RAD51B: variants seen among roughly 807,000 people sequenced by gnomAD.
The protein encoded by RAD51B is RAD51 paralog B, also known as DNA repair protein RAD51 homolog 2.
RAD51B carries 38 observed loss-of-function variants against 42.2 expected under a neutral mutation model. The observed-to-expected ratio is 0.90, with a 90% CI of 0.70 to 1.18. The LOEUF is 1.18. Among genes scored for constraint, RAD51B ranks in the 50% most tolerant of loss-of-function variants. RAD51B has a pLI of 0.00. For synonymous variants in RAD51B, 154 were observed against 145.2 expected (o/e 1.06, Z -0.43); for missense variants, 373 against 400.7 (o/e 0.93, Z 0.59).
intron 8 of RAD51B, among the ~76,000 whole-genome samples, chr14:68,353,884 C>T (rs888221223): frequency 6.6e-6 from 1 of 152,220 alleles, no homozygotes; most frequent in Non-Finnish European, 1.5e-5. Context: ...GCAGTTCAGG[C>T]CTTCCACGTG....
chr14:68,002,926 T>C (rs2075513741), intron 7 of RAD51B, among the ~76,000 whole-genome samples: 1 of 152,214 alleles, frequency 6.6e-6, no homozygotes, highest in African/African-American at 2.4e-5. Flanking sequence ...TTTTAGTTAC[T>C]GTTGCCTTAT....
intron 6 of RAD51B, 29 bp from the exon 7 acceptor site, chr14:67,886,992 T>C: frequency 7.5e-7 from 1 of 1,333,440 alleles, no homozygotes; most frequent in Non-Finnish European, 1.0e-6. Flanking sequence ...TTAAATTTAT[T>C]GACTATTTTA....
chr14:67,828,030 G>C (rs991814800), intron 3 of RAD51B, among the ~76,000 whole-genome samples: 3 of 152,194 alleles, frequency 2.0e-5, no homozygotes, highest in South Asian at 4.1e-4. Context: ...GGTTCAAATG[G>C]TATTTCTGCC....
intron 7 of RAD51B, among the ~76,000 whole-genome samples, chr14:68,016,900 A>G (rs188130972): frequency 6.6e-6 from 1 of 152,346 alleles, no homozygotes; most frequent in African/African-American, 2.4e-5. Flanking sequence ...ACAAGGGAAA[A>G]TGCCATAAAG....
intron 10 of RAD51B, among the ~76,000 whole-genome samples, chr14:68,647,127 CA>C (rs1892578003): frequency 6.6e-6 from 1 of 152,196 alleles, no homozygotes; most frequent in Non-Finnish European, 1.5e-5. Flanking sequence ...TTCATTTATT[CA>C]TCCTCAGATC....
At chr14:68,160,832 G>C (rs369834206) in intron 7 of RAD51B, among the ~76,000 whole-genome samples, 14 of 152,316 alleles carry the variant, frequency 9.2e-5, no homozygotes, top group African/African-American at 3.4e-4. Flanking sequence ...ACAAACAATG[G>C]TGGCAAACAA....
intron 10 of RAD51B, among the ~76,000 whole-genome samples, chr14:68,521,185 C>T (rs143723626): frequency 7.9e-5 from 12 of 152,190 alleles, no homozygotes; most frequent in African/African-American, 2.6e-4. Context: ...GCAGAGCTCA[C>T]GAAGGAGGCA....
intron 7 of RAD51B, among the ~76,000 whole-genome samples, chr14:68,230,740 C>T (rs563310571): frequency 1.3e-4 from 20 of 152,298 alleles, no homozygotes; most frequent in East Asian, 3.9e-4. Flanking sequence ...GACCCTTATC[C>T]GGCTTAGGAG....
chr14:68,046,972 T>C (rs2076311221), intron 7 of RAD51B, among the ~76,000 whole-genome samples: 1 of 151,632 alleles, frequency 6.6e-6, no homozygotes, highest in Non-Finnish European at 1.5e-5. Flanking sequence ...TTGTTTTTTT[T>C]TTTATTCTAA....
At position 68,586,402 on chromosome 14, in the gene RAD51B, G is replaced by A. The variant is rs182612291; in HGVS notation, c.1037-8083G>A. On this transcript the variant is annotated intron_variant, in intron 10 of 10. Coordinates refer to the RAD51B transcript ENST00000487270. ...TTGCGGTGCGCCCAAGAACCTCACC[G>A]GCCCTTGTGCCGATCGGTTCCAGAT... Among the ~76,000 whole-genome samples, 172 of 152,258 alleles carry A rather than the reference G, an allele frequency of 1.1e-3. 3 individuals are homozygous for A. Among genetic ancestry groups the A allele is most frequent in the Non-Finnish European group, 4.6e-4 (31 of 68,026 alleles).
chr14:68,015,418 G>A lies in RAD51B; in HGVS notation c.756+128214G>A, dbSNP rs555341282. Among the ~76,000 whole-genome samples, 18 of 152,264 alleles carry A rather than the reference G, an allele frequency of 1.2e-4. No homozygotes were observed. The South Asian group carries it at 3.7e-3, about 32-fold the overall frequency. On this transcript the variant is annotated intron_variant, in intron 7 of 10. Coordinates refer to ENST00000471583, the MANE Select transcript of RAD51B (RefSeq NM_133510.4). ...AGTCTGTTCTCATGTTGCTAATAAA[G>A]ACATACCTAAGACTGGGTAATTTAT...
intron 9 of RAD51B, among the ~76,000 whole-genome samples, chr14:68,431,088 C>A (rs1233205646): frequency 6.6e-6 from 1 of 152,088 alleles, no homozygotes; most frequent in Non-Finnish European, 1.5e-5. Flanking sequence ...GCCTTGCATC[C>A]TAGGGATGAA....
intron 7 of RAD51B, among the ~76,000 whole-genome samples, chr14:67,974,598 G>T (rs543914190): frequency 6.6e-6 from 1 of 151,748 alleles, no homozygotes; most frequent in African/African-American, 2.4e-5. Flanking sequence ...CTAAAGTTAG[G>T]GTATTAGATC....
chr14:67,823,232 G>A (rs2040694832), intron 1 of RAD51B, among the ~76,000 whole-genome samples: 3 of 152,112 alleles, frequency 2.0e-5, no homozygotes. Context: ...ATTTTAAGAT[G>A]CTCTACAAAT....
At chr14:68,367,507 G>A (rs1240866350) in intron 8 of RAD51B, among the ~76,000 whole-genome samples, 1 of 152,188 alleles carries the variant, frequency 6.6e-6, no homozygotes, top group Non-Finnish European at 1.5e-5. Flanking sequence ...ATAAAGTAGA[G>A]CAAGGCTGAC....
At position 68,640,176 on chromosome 14, in the gene RAD51B, A is replaced by T. The variant is rs959458299; in HGVS notation, c.1037-10605A>T. Among the ~76,000 whole-genome samples the T allele has an allele frequency of 6.6e-5, 10 of 152,228 alleles. No homozygotes were observed. The East Asian group carries it at 1.9e-3, about 29-fold the overall frequency. On this transcript the variant is annotated intron_variant, in intron 10 of 11. Transcript: ENST00000488612. ...CCGTAAGCACATCCATGCATTAGGCATGTGTGATGACATTAGCTTTACCTC... is the reference window on the plus strand; with the variant it reads ...CCGTAAGCACATCCATGCATTAGGCTTGTGTGATGACATTAGCTTTACCTC...
At position 68,109,868 on chromosome 14, in the gene RAD51B, A is replaced by G. The variant is rs549062328; in HGVS notation, c.757-182016A>G. On this transcript the variant is annotated intron_variant, in intron 7 of 10. Transcript: ENST00000471583. The stretch of plus-strand genomic sequence containing the variant: ...GTCAGATTGAATGCTAAGTATCCCT[A>G]CAGTCAATGCCTGCAAAATCTTTGG... Among the ~76,000 whole-genome samples the G allele has an allele frequency of 5.9e-5, 9 of 152,106 alleles. No individual in the cohort carries two copies. The East Asian group carries it at 7.7e-4, about 13-fold the overall frequency.
chr14:68,033,143 C>T (rs2076072790), intron 7 of RAD51B, among the ~76,000 whole-genome samples: 1 of 152,128 alleles, frequency 6.6e-6, no homozygotes, highest in African/African-American at 2.4e-5. Flanking sequence ...CATTCTCTAC[C>T]ACAATGCCTG....
In RAD51B at chr14:68,478,055, C is replaced by T. The variant is rs1882859826; in HGVS notation, c.*391C>T. On this transcript the variant is annotated 3_prime_UTR_variant, in exon 11 of 11. Coordinates refer to ENST00000471583, the MANE Select transcript of RAD51B (RefSeq NM_133510.4). Reference sequence around the variant, plus strand: ...GGATGACTAACAAGATTTGTAATTACAGGAGGGAACATTTCCGAATAAAGT... The same window carrying T: ...GGATGACTAACAAGATTTGTAATTATAGGAGGGAACATTTCCGAATAAAGT... The T allele has an allele frequency of 9.3e-7, 1 of 1,073,180 alleles. No homozygotes were observed. The highest frequency in any genetic ancestry group is 1.1e-6 in the Non-Finnish European group (1 of 885,210). 66.5% of individuals were successfully genotyped at this position (1,073,180 alleles called of 1,614,324 possible).
Sources: allele counts gnomAD v4.1 joint callset (sites outside exome capture counted in the v4.1 genomes callset), GRCh38; gene constraint gnomAD v4.1.1; transcripts MANE v1.5; gene names NCBI Gene and HGNC (gene_info 2026-07-23, HGNC 2026-07-21).